The following ELMO1 variants were observed in gnomAD, a reference collection of about 807,000 sequenced individuals.
ELMO1 encodes engulfment and cell motility protein 1.
Under a neutral mutation model 98.9 loss-of-function variants are expected in ELMO1, and 26 were observed. The ratio of observed to expected loss-of-function variants is 0.26; its 90% confidence interval spans 0.19 to 0.36. ELMO1 has a LOEUF of 0.36. ELMO1 is among the 10% of genes least tolerant of loss of function. ELMO1 has a pLI of 1.00. For synonymous variants in ELMO1, 346 were observed against 346.0 expected (o/e 1.00, Z 0.00); for missense variants, 627 against 935.2 (o/e 0.67, Z 4.30).
At chr7:37,356,590 G>C (rs983982838) in intron 1 of ELMO1, among the ~76,000 whole-genome samples, 2 of 152,016 alleles carry the variant, frequency 1.3e-5, no homozygotes, top group African/African-American at 4.8e-5. Context: ...ATGGACACAG[G>C]GAGGGGAACA....
chr7:36,925,518 CAG>C (rs1170730086), intron 16 of ELMO1, among the ~76,000 whole-genome samples: 3 of 152,118 alleles, frequency 2.0e-5, no homozygotes, highest in East Asian at 3.9e-4. Context: ...TCCTTATGAG[CAG>C]AGTCTCTTCT....
intron 17 of ELMO1, 106 bp downstream of exon 17, chr7:36,894,748 T>C: frequency 7.1e-7 from 1 of 1,416,604 alleles, no homozygotes; most frequent in Non-Finnish European, 9.8e-7. Flanking sequence ...TCTGCTGGCC[T>C]TCCCTGAGGA....
At chr7:37,281,611 C>T (rs1367086001) in intron 4 of ELMO1, among the ~76,000 whole-genome samples, 1 of 152,138 alleles carries the variant, frequency 6.6e-6, no homozygotes, top group African/African-American at 2.4e-5. Context: ...TGGGGATTTC[C>T]CTCCATAGCT....
intron 4 of ELMO1, among the ~76,000 whole-genome samples, chr7:37,286,120 A>G (rs2130926193): frequency 6.6e-6 from 1 of 152,364 alleles, no homozygotes; most frequent in Non-Finnish European, 1.5e-5. Flanking sequence ...ACAGCTGGGA[A>G]AATACTAACT....
chr7:37,379,541 T>G (rs1180984433), intron 1 of ELMO1, among the ~76,000 whole-genome samples: 5 of 152,180 alleles, frequency 3.3e-5, no homozygotes, highest in African/African-American at 4.8e-5. Flanking sequence ...CTATACTTCT[T>G]CTTGTCAATA....
At chr7:37,168,909 T>C (rs1302691160) in intron 13 of ELMO1, among the ~76,000 whole-genome samples, 5 of 152,190 alleles carry the variant, frequency 3.3e-5, no homozygotes, top group African/African-American at 1.2e-4. Context: ...AGGTTACCGC[T>C]GTCTTTTTGT....
At chr7:37,322,414 G>A (rs1434930861) in intron 2 of ELMO1, among the ~76,000 whole-genome samples, 5 of 151,854 alleles carry the variant, frequency 3.3e-5, no homozygotes, top group Admixed American at 1.3e-4. Flanking sequence ...TCAGGAGTTC[G>A]AGACCAGCCT....
chr7:37,200,621 C>T (rs577054273), intron 13 of ELMO1, among the ~76,000 whole-genome samples: 1 of 152,232 alleles, frequency 6.6e-6, no homozygotes, highest in South Asian at 2.1e-4. Context: ...TTTTGCTTGA[C>T]CCATCAGCAG....
chr7:37,432,845 T>G (rs183749619), intron 1 of ELMO1, among the ~76,000 whole-genome samples: 1 of 152,270 alleles, frequency 6.6e-6, no homozygotes, highest in Non-Finnish European at 1.5e-5. Context: ...TTTCCAGTTA[T>G]GGTCTTCAAA....
chr7:37,072,973 G>C (rs1797362677), intron 15 of ELMO1, among the ~76,000 whole-genome samples: 1 of 152,122 alleles, frequency 6.6e-6, no homozygotes, highest in Non-Finnish European at 1.5e-5. Flanking sequence ...CCCTGCTAAG[G>C]GGCCAGAAAC....
rs745935996 is a variant in ELMO1 at position 36,987,542 on chromosome 7, A to C, written c.1437+25757T>G. ...CCTCAAGGAGAACCTTCTCTTCCTT[A>C]AAGGTCTCTGCAAGCCTGGGACCCT... On this transcript the variant is annotated intron_variant, in intron 16 of 21. Transcript: ENST00000310758. 9.2e-5 allele frequency among the ~76,000 whole-genome samples: 14 copies of C among 152,176 alleles called. No individual in the cohort carries two copies. The East Asian group carries it at 2.7e-3, about 29-fold the overall frequency.
intron 15 of ELMO1, among the ~76,000 whole-genome samples, chr7:37,075,147 A>ATTT (rs113966386): frequency 7.1e-6 from 1 of 140,164 alleles, no homozygotes; most frequent in African/African-American, 2.6e-5. Context: ...TTCATTTGGA[A>ATTT]TTTTTTTTTT....
At chr7:37,147,968 G>A (rs1170936415) in intron 13 of ELMO1, among the ~76,000 whole-genome samples, 1 of 152,152 alleles carries the variant, frequency 6.6e-6, no homozygotes, top group African/African-American at 2.4e-5. Flanking sequence ...CATCTGAAAG[G>A]GTATTGACAG....
chr7:36,884,313 TCAA>T (rs770801855), intron 18 of ELMO1, among the ~76,000 whole-genome samples: 1 of 94,350 alleles, frequency 1.1e-5, no homozygotes, highest in South Asian at 3.2e-4. Flanking sequence ...CGAGACTGTC[TCAA>T]AAAAAAAAAA....
intron 16 of ELMO1, among the ~76,000 whole-genome samples, chr7:36,995,076 T>A (rs1469208493): frequency 8.5e-5 from 13 of 152,148 alleles, no homozygotes; most frequent in African/African-American, 3.1e-4. Context: ...AAAATGATTG[T>A]AAGATAATAC....
chr7:37,050,507 G>A lies in ELMO1; in HGVS notation c.1301-37072C>T, dbSNP rs536332519. On this transcript the variant is annotated intron_variant, in intron 15 of 21. Coordinates refer to ENST00000310758, the MANE Select transcript of ELMO1 (RefSeq NM_014800.11). ...CCTTACAACAACTCTGCAAGGGAGT[G>A]CACGCAAATCTGGGGACCTAAAAAA... is the stretch of plus-strand genomic sequence containing the variant. Among the ~76,000 whole-genome samples the A allele has an allele frequency of 3.9e-5, 6 of 152,184 alleles. No individual in the cohort carries two copies. In the East Asian group the frequency reaches 1.2e-3, roughly 29 times the overall value.
At chr7:37,237,080 T>C (rs1794509087) in intron 7 of ELMO1, among the ~76,000 whole-genome samples, 1 of 152,258 alleles carries the variant, frequency 6.6e-6, no homozygotes, top group African/African-American at 2.4e-5. Context: ...CTTTACATGC[T>C]GGTGGAAAGC....
At chr7:37,218,374 CT>C (rs1331581955) in intron 10 of ELMO1, among the ~76,000 whole-genome samples, 1 of 151,948 alleles carries the variant, frequency 6.6e-6, no homozygotes, top group South Asian at 2.1e-4. Flanking sequence ...CTGTCTTTTT[CT>C]TTTTTGTATT....
chr7:37,215,814 G>A (rs1465531133), intron 11 of ELMO1, among the ~76,000 whole-genome samples: 1 of 152,172 alleles, frequency 6.6e-6, no homozygotes, highest in Non-Finnish European at 1.5e-5. Context: ...CTCCTTTGGG[G>A]AACTATAATT....
Sources: gnomAD v4.1 joint callset for allele counts (sites outside exome capture counted in the v4.1 genomes callset) on GRCh38, gnomAD v4.1.1 for gene constraint, MANE v1.5 for transcripts, NCBI Gene and HGNC (gene_info 2026-07-23, HGNC 2026-07-21) for gene names.